The following HOXD3 variants were observed in gnomAD, a reference collection of about 807,000 sequenced individuals.
HOXD3 encodes the protein homeobox D3.
Under a neutral mutation model 32.8 loss-of-function variants are expected in HOXD3, and 13 were observed. The ratio of observed to expected loss-of-function variants is 0.40; its 90% confidence interval spans 0.26 to 0.63. The LOEUF is 0.63. Among genes scored for constraint, HOXD3 ranks in the 20% least tolerant of loss-of-function variants. The pLI, the probability that HOXD3 is intolerant of heterozygous loss-of-function variation, is 0.44. For synonymous variants in HOXD3, 241 were observed against 246.8 expected (o/e 0.98, Z 0.22); for missense variants, 504 against 577.1 (o/e 0.87, Z 1.30).
chr2:176,167,603 G>A (rs546054419), intron 2 of HOXD3, among the ~76,000 whole-genome samples: 53 of 150,806 alleles, frequency 3.5e-4, no homozygotes, highest in Middle Eastern at 7.0e-3. Context: ...TTACTCAGCT[G>A]ATTTTCACCC....
rs557841773 is a variant in HOXD3, at chr2:176,163,495, C to A, written c.-180-578C>A. On this transcript the variant is annotated intron_variant, in intron 1 of 3. Coordinates refer to ENST00000683222, the MANE Select transcript of HOXD3 (RefSeq NM_006898.5). Reference sequence around the variant, plus strand: ...CCCAGGGCCAAGAGTGTGGTGGATACTTACCGGAATGAATAAACTCAGGGA... The same window carrying A: ...CCCAGGGCCAAGAGTGTGGTGGATAATTACCGGAATGAATAAACTCAGGGA... Among the ~76,000 whole-genome samples the A allele has an allele frequency of 3.9e-5, 6 of 152,204 alleles. No individual in the cohort carries two copies. In the East Asian group the frequency reaches 7.7e-4, roughly 20 times the overall value.
intron 1 of HOXD3, among the ~76,000 whole-genome samples, chr2:176,161,680 C>A (rs1172895144): frequency 6.6e-6 from 1 of 152,174 alleles, no homozygotes; most frequent in African/African-American, 2.4e-5. Context: ...CGCTACTGAG[C>A]TTTTCCTCCC....
upstream of HOXD3, among the ~76,000 whole-genome samples, chr2:176,154,113 AGAGTTT>A (rs1690598692): frequency 6.6e-6 from 1 of 152,140 alleles, no homozygotes; most frequent in African/African-American, 2.4e-5. Flanking sequence ...AGTTAGCCTT[AGAGTTT>A]TTTTCCCCCT....
upstream of HOXD3, among the ~76,000 whole-genome samples, chr2:176,154,506 T>G (rs1690605680): frequency 6.6e-6 from 1 of 152,202 alleles, no homozygotes. Flanking sequence ...AAAATTTAAT[T>G]TTAAGATCCA....
intron 3 of HOXD3, among the ~76,000 whole-genome samples, chr2:176,170,973 T>A (rs1574988134): frequency 6.6e-6 from 1 of 152,268 alleles, no homozygotes; most frequent in East Asian, 1.9e-4. Flanking sequence ...TGGCTTTGAG[T>A]GCAGTTGGGC....
In HOXD3 at chr2:176,172,040, G is replaced by A. The variant is rs976021789; in HGVS notation, c.1065G>A (p.Pro355=). Reference sequence around the variant, plus strand: ...CCAGCGCCAACTTGCAGGGCAGCCCGGTGTACGTGGGCGGCAACTTCGTCG... The same window carrying A: ...CCAGCGCCAACTTGCAGGGCAGCCCAGTGTACGTGGGCGGCAACTTCGTCG... The part of the protein sequence containing the change: ...GFASANLQGS[P]VYVGGNFVES... The change falls in exon 4 of 4, where the codon CCG becomes CCA. Residue 355 remains proline, a synonymous_variant. Coordinates refer to ENST00000683222, the MANE Select transcript of HOXD3 (RefSeq NM_006898.5). 2.5e-6 allele frequency: 4 copies of A among 1,608,068 alleles called. No individual in the cohort carries two copies. Among genetic ancestry groups the A allele is most frequent in the Non-Finnish European group, 3.4e-6 (4 of 1,178,752 alleles).
rs749876632 is a variant in HOXD3 at position 176,169,171 on chromosome 2, G to A, written c.57G>A (p.Lys19=). The change falls in exon 3 of 4, where the codon AAG becomes AAA. Residue 19 remains lysine, a synonymous_variant. Transcript: ENST00000683222. ...AGCTTCCTGAGTGCACAATGCAGAA[G>A]GCTGCTTACTATGAAAACCCAGGAC... ...ALELPECTMQ[K]AAYYENPGLF... is the part of the protein sequence containing the mutation. The A allele has an allele frequency of 1.2e-6, 2 of 1,614,146 alleles. No homozygotes were observed. The highest frequency in any genetic ancestry group is 8.5e-7 in the Non-Finnish European group (1 of 1,180,014).
At chr2:176,156,503 A>G (rs769324525), upstream of HOXD3, among the ~76,000 whole-genome samples, 52 of 152,096 alleles carry the variant, frequency 3.4e-4, no homozygotes, top group Non-Finnish European at 5.3e-4. Flanking sequence ...CCCCACCCCT[A>G]AGGCAGGGAG....
intron 2 of HOXD3, among the ~76,000 whole-genome samples, chr2:176,167,875 A>G (rs188717470): frequency 5.3e-5 from 8 of 152,306 alleles, no homozygotes; most frequent in Non-Finnish European, 1.2e-4. Flanking sequence ...TGTTAGGAAC[A>G]GTAGACAAAT....
intron 1 of HOXD3, among the ~76,000 whole-genome samples, chr2:176,158,350 T>C (rs966479729): frequency 6.6e-5 from 10 of 152,096 alleles, no homozygotes; most frequent in Admixed American, 3.9e-4. Context: ...TCCAAGAAAA[T>C]TGGGTGTCCT....
chr2:176,159,528 G>C (rs1340959420), intron 1 of HOXD3, among the ~76,000 whole-genome samples: 6 of 152,190 alleles, frequency 3.9e-5, no homozygotes, highest in Admixed American at 3.3e-4. Flanking sequence ...CCAAAACTTC[G>C]GGGACAGGGT....
At chr2:176,167,310 T>G (rs1691002351) in intron 2 of HOXD3, among the ~76,000 whole-genome samples, 1 of 152,206 alleles carries the variant, frequency 6.6e-6, no homozygotes, top group Non-Finnish European at 1.5e-5. Context: ...ATGTCAATAA[T>G]ATCTATTTAT....
upstream of HOXD3, among the ~76,000 whole-genome samples, chr2:176,154,078 CT>C (rs201308244): frequency 4.7e-3 from 707 of 151,928 alleles, 2 homozygotes; most frequent in African/African-American, 0.015. Context: ...AAAAAAAACC[CT>C]AATTGAATCT....
chr2:176,155,851 G>C (rs1690633624), upstream of HOXD3, among the ~76,000 whole-genome samples: 1 of 152,148 alleles, frequency 6.6e-6, no homozygotes, highest in Non-Finnish European at 1.5e-5. Flanking sequence ...GTTTGCTGAG[G>C]ACATTGCTCC....
intron 2 of HOXD3, among the ~76,000 whole-genome samples, chr2:176,167,308 A>AGC: frequency 6.6e-6 from 1 of 152,204 alleles, no homozygotes; most frequent in Non-Finnish European, 1.5e-5. Context: ...AGATGTCAAT[A>AGC]ATATCTATTT....
At chr2:176,158,240 G>T (rs1048245583) in intron 1 of HOXD3, among the ~76,000 whole-genome samples, 5 of 152,222 alleles carry the variant, frequency 3.3e-5, no homozygotes, top group Non-Finnish European at 5.9e-5. Context: ...ACCCCGGGGC[G>T]ACGGGAAGCC....
At chr2:176,162,039 G>T (rs910291846) in intron 1 of HOXD3, among the ~76,000 whole-genome samples, 1 of 152,236 alleles carries the variant, frequency 6.6e-6, no homozygotes, top group Non-Finnish European at 1.5e-5. Flanking sequence ...CCTTTATGGG[G>T]AAAGAACCTC....
chr2:176,167,122 A>G (rs1690995863), intron 2 of HOXD3, among the ~76,000 whole-genome samples: 1 of 152,212 alleles, frequency 6.6e-6, no homozygotes, highest in Non-Finnish European at 1.5e-5. Flanking sequence ...TTTCAGAAGA[A>G]GTAGGGAGGC....
chr2:176,167,451 G>C (rs1473346962), intron 2 of HOXD3, among the ~76,000 whole-genome samples: 1 of 152,148 alleles, frequency 6.6e-6, no homozygotes, highest in African/African-American at 2.4e-5. Flanking sequence ...GAGGTCAAAA[G>C]TAAAAGGTCT....
Sources: allele counts gnomAD v4.1 joint callset (sites outside exome capture counted in the v4.1 genomes callset), GRCh38; gene constraint gnomAD v4.1.1; transcripts MANE v1.5; gene names NCBI Gene and HGNC (gene_info 2026-07-23, HGNC 2026-07-21).